The following ZFAND3 variants were observed in gnomAD, a reference collection of about 807,000 sequenced individuals.
The protein encoded by ZFAND3 is zinc finger AN1-type containing 3.
In ZFAND3, 10 loss-of-function variants were observed where a neutral mutation model predicts 29.6. That is an observed-to-expected ratio of 0.34 (90% confidence interval 0.21 to 0.57). The LOEUF is 0.57. Ranked by LOEUF, ZFAND3 falls within the 20% of genes least tolerant of loss-of-function variation. ZFAND3 has a pLI of 0.86. For synonymous variants in ZFAND3, 128 were observed against 112.6 expected (o/e 1.14, Z -0.87); for missense variants, 230 against 304.5 (o/e 0.76, Z 1.82).
At chr6:37,990,122 A>C (rs940757798) in intron 2 of ZFAND3, among the ~76,000 whole-genome samples, 3 of 152,200 alleles carry the variant, frequency 2.0e-5, no homozygotes, top group African/African-American at 7.2e-5. Flanking sequence ...CTGTTAACTA[A>C]GTAAGTCCCA....
chr6:37,825,284 C>G (rs1763737552), intron 1 of ZFAND3, among the ~76,000 whole-genome samples: 1 of 152,210 alleles, frequency 6.6e-6, no homozygotes, highest in Admixed American at 6.5e-5. Flanking sequence ...ATTGATGTCA[C>G]TACTTATCCC....
intron 1 of ZFAND3, among the ~76,000 whole-genome samples, chr6:37,860,176 G>T (rs10080245): frequency 0.028 from 3,179 of 115,064 alleles, 79 homozygotes; most frequent in African/African-American, 0.081. Flanking sequence ...AGGCCAAAAA[G>T]AGTTTTTTTT....
At chr6:38,035,144 G>A (rs1019831878) in intron 2 of ZFAND3, among the ~76,000 whole-genome samples, 3 of 151,980 alleles carry the variant, frequency 2.0e-5, no homozygotes, top group African/African-American at 7.3e-5. Context: ...TTTTATACAT[G>A]CATTAAAGTT....
chr6:37,979,085 CT>C (rs1299629165), intron 2 of ZFAND3, among the ~76,000 whole-genome samples: 1 of 151,632 alleles, frequency 6.6e-6, no homozygotes, highest in Non-Finnish European at 1.5e-5. Flanking sequence ...TATTTCCTTC[CT>C]TCTACTTTGA....
chr6:37,930,003 AGTGC>A lies in ZFAND3; in HGVS notation c.112+5_112+8del. The A allele has an allele frequency of 6.3e-7, 1 of 1,578,598 alleles. No individual in the cohort carries two copies. Among genetic ancestry groups the A allele is most frequent in the Non-Finnish European group, 8.6e-7 (1 of 1,165,306 alleles). On this transcript the variant is annotated splice_donor_5th_base_variant and intron_variant, in intron 2 of 5. Transcript: ENST00000287218. ...CTCTGTTCCAAATGCTTTGCTGGTAAGTGCAGAAAAAGGGTTTTTTAATTTACTT... is the reference window on the plus strand; with the variant it reads ...CTCTGTTCCAAATGCTTTGCTGGTAAAGAAAAAGGGTTTTTTAATTTACTT...
intron 4 of ZFAND3, among the ~76,000 whole-genome samples, chr6:38,086,449 G>T (rs763577460): frequency 3.9e-5 from 6 of 152,180 alleles, no homozygotes; most frequent in Non-Finnish European, 4.4e-5. Flanking sequence ...GTTAGAATGT[G>T]TGAGTTAAAG....
chr6:38,143,812 T>C (rs1448404166), intron 5 of ZFAND3, among the ~76,000 whole-genome samples: 4 of 152,174 alleles, frequency 2.6e-5, no homozygotes, highest in Non-Finnish European at 5.9e-5. Context: ...TTCTGTTTAT[T>C]GGAGTCTAAT....
chr6:37,939,306 G>C (rs1246574873), intron 2 of ZFAND3, among the ~76,000 whole-genome samples: 1 of 152,116 alleles, frequency 6.6e-6, no homozygotes, highest in African/African-American at 2.4e-5. Flanking sequence ...AATAGTTCTT[G>C]GCATTCCTTT....
In ZFAND3 at chr6:37,994,042, T is replaced by A. The variant is rs541580740; in HGVS notation, c.112+64043T>A. 4.9e-4 allele frequency among the ~76,000 whole-genome samples: 74 copies of A among 152,238 alleles called. 1 individual carries two copies. The highest frequency in any genetic ancestry group is 9.9e-4 in the African/African-American group (41 of 41,540). ...TAAAAGAATTGGATTTCTAACTTTT[T>A]AAAAAAACGATTTTTACATTTGCTT... On this transcript the variant is annotated intron_variant, in intron 2 of 5. Coordinates refer to ENST00000287218, the MANE Select transcript of ZFAND3 (RefSeq NM_021943.3).
At chr6:37,952,484 A>G (rs1762014893) in intron 2 of ZFAND3, among the ~76,000 whole-genome samples, 1 of 152,148 alleles carries the variant, frequency 6.6e-6, no homozygotes, top group African/African-American at 2.4e-5. Context: ...TCTAGAAGAA[A>G]TGTGCATAGA....
chr6:38,083,372 T>A (rs545153180), intron 4 of ZFAND3, among the ~76,000 whole-genome samples: 2 of 152,224 alleles, frequency 1.3e-5, no homozygotes, highest in African/African-American at 4.8e-5. Flanking sequence ...ATGACCAGCT[T>A]TGAGGTAGGG....
intron 1 of ZFAND3, among the ~76,000 whole-genome samples, chr6:37,911,153 T>TTGGA (rs1207996116): frequency 1.3e-5 from 2 of 152,224 alleles, no homozygotes; most frequent in Non-Finnish European, 2.9e-5. Flanking sequence ...CAATGAGTAG[T>TTGGA]ATACAAGGGT....
chr6:38,041,976 A>G (rs1179063034), intron 2 of ZFAND3, among the ~76,000 whole-genome samples: 1 of 149,898 alleles, frequency 6.7e-6, no homozygotes, highest in Non-Finnish European at 1.5e-5. Context: ...AGCTGGGACT[A>G]TAAGTGTGCA....
intron 2 of ZFAND3, among the ~76,000 whole-genome samples, chr6:38,026,412 T>C (rs1763448411): frequency 6.8e-6 from 1 of 146,624 alleles, no homozygotes; most frequent in Non-Finnish European, 1.5e-5. Context: ...TTATTTGTAT[T>C]ACTTTAGGAT....
intron 2 of ZFAND3, among the ~76,000 whole-genome samples, chr6:38,056,061 T>C (rs1764129250): frequency 6.6e-6 from 1 of 152,186 alleles, no homozygotes; most frequent in Non-Finnish European, 1.5e-5. Flanking sequence ...AATTTGATAA[T>C]ACGTACCAAA....
intron 1 of ZFAND3, among the ~76,000 whole-genome samples, chr6:37,857,307 A>G (rs1581712826): frequency 6.6e-6 from 1 of 152,346 alleles, no homozygotes; most frequent in East Asian, 1.9e-4. Flanking sequence ...CACTGTGCTA[A>G]GGCTCTGCAG....
At chr6:38,050,019 A>G (rs898535130) in intron 2 of ZFAND3, among the ~76,000 whole-genome samples, 7 of 137,044 alleles carry the variant, frequency 5.1e-5, no homozygotes, top group Non-Finnish European at 9.1e-5. Context: ...CAGTGGTGCA[A>G]TCTTGGCTTT....
At chr6:37,867,061 A>G (rs889139671) in intron 1 of ZFAND3, among the ~76,000 whole-genome samples, 1 of 152,260 alleles carries the variant, frequency 6.6e-6, no homozygotes, top group Non-Finnish European at 1.5e-5. Context: ...AAAGGATACA[A>G]AAGAGAATGC....
intron 2 of ZFAND3, among the ~76,000 whole-genome samples, chr6:38,018,950 ATT>A (rs138007795): frequency 1.5e-3 from 226 of 151,692 alleles, no homozygotes; most frequent in African/African-American, 5.2e-3. Flanking sequence ...GAAACTTTTT[ATT>A]TTTGCCAATC....
Sources: gnomAD v4.1 joint callset for allele counts (sites outside exome capture counted in the v4.1 genomes callset) on GRCh38, gnomAD v4.1.1 for gene constraint, MANE v1.5 for transcripts, NCBI Gene and HGNC (gene_info 2026-07-23, HGNC 2026-07-21) for gene names.